MCM2: variants seen among roughly 807,000 people sequenced by gnomAD.
The protein encoded by MCM2 is DNA replication licensing factor MCM2.
MCM2 carries 49 observed loss-of-function variants against 86.4 expected under a neutral mutation model. The ratio of observed to expected loss-of-function variants is 0.57; its 90% confidence interval spans 0.45 to 0.72. The LOEUF (loss-of-function observed/expected upper bound fraction) is 0.72, where lower values mean the gene tolerates loss of function less well. MCM2 is among the 30% of genes least tolerant of loss of function. MCM2 has a pLI of 0.00. For missense variants in MCM2, 1,038 were observed against 1,259.9 expected (o/e 0.82, Z 2.67); for synonymous variants, 475 against 484.6 (o/e 0.98, Z 0.26).
At chr3:127,601,788 T>C (rs2074308126) in intron 2 of MCM2, among the ~76,000 whole-genome samples, 2 of 152,238 alleles carry the variant, frequency 1.3e-5, no homozygotes, top group African/African-American at 4.8e-5. Flanking sequence ...CTGCACTATC[T>C]TGCATTCCCA....
At chr3:127,601,611 G>A (rs13077128) in intron 2 of MCM2, among the ~76,000 whole-genome samples, 1 of 152,052 alleles carries the variant, frequency 6.6e-6, no homozygotes, top group Non-Finnish European at 1.5e-5. Flanking sequence ...GGTGATCCAC[G>A]TGCTTCAGCC....
At position 127,618,711 on chromosome 3, in the gene MCM2, C is replaced by T. The variant is rs1179579131; in HGVS notation, c.2014-316C>T. On this transcript the variant is annotated intron_variant, in intron 12 of 15. Coordinates refer to ENST00000265056, the MANE Select transcript of MCM2 (RefSeq NM_004526.4). This position sits in a 1 kb window ranked among gnomAD's most constrained non-coding sequence, Gnocchi z 4.0. ...CCTGTCTTTCAGGGAGGGGCTTTGC[C>T]GGGCACCCTTAGCTAGAGGCATCTC... 6.6e-6 allele frequency among the ~76,000 whole-genome samples: 1 copy of T among 152,182 alleles called. No individual in the cohort carries two copies. The highest frequency in any genetic ancestry group is 1.5e-5 in the Non-Finnish European group (1 of 68,034).
At position 127,601,359 on chromosome 3, in the gene MCM2, TTTTG is replaced by T. The variant is rs199761466; in HGVS notation, c.236+1832_236+1835del. Among the ~76,000 whole-genome samples, 155 of 152,228 alleles carry T rather than the reference TTTTG, an allele frequency of 1.0e-3. 1 individual carries two copies. The highest frequency in any genetic ancestry group is 4.1e-3 in the Admixed American group (62 of 15,284). ...TGAACATTCATTACAGGTCGTGTTT[TTTTG>T]TTTGTTTGTTTGTTTGTTTTTGAGT... On this transcript the variant is annotated intron_variant, in intron 2 of 15. Transcript: ENST00000265056.
Position 127,604,041 on chromosome 3 carries a change from C to A in MCM2, c.237-567C>A, listed in dbSNP as rs181733019. Among the ~76,000 whole-genome samples the A allele has an allele frequency of 1.7e-3, 265 of 152,276 alleles. 1 individual carries two copies. The highest frequency in any genetic ancestry group is 6.1e-3 in the African/African-American group (252 of 41,572). ...TGGGCTCAAGTGATCCTCCTGCCTT[C>A]ACCTCCCAAAGTGCTGGAATTATAG... On this transcript the variant is annotated intron_variant, in intron 2 of 15. Transcript: ENST00000265056.
At chr3:127,599,911 GATAA>G (rs1487248301) in intron 2 of MCM2, among the ~76,000 whole-genome samples, 2 of 152,222 alleles carry the variant, frequency 1.3e-5, no homozygotes, top group African/African-American at 4.8e-5. Context: ...GGAGGGATCT[GATAA>G]ATAAAGTTTT....
intron 8 of MCM2, among the ~76,000 whole-genome samples, chr3:127,615,106 C>T (rs2074423760): frequency 6.6e-6 from 1 of 152,166 alleles, no homozygotes; most frequent in African/African-American, 2.4e-5. Context: ...AGTCCCCTCT[C>T]CCCAGGCGAG....
At position 127,608,996 on chromosome 3, in the gene MCM2, CTCCAAGGA is replaced by C. The variant is rs1003941996; in HGVS notation, c.1404_1411del (p.Lys469AlafsTer18). On this transcript the variant is annotated frameshift_variant, in exon 8 of 16. Coordinates refer to ENST00000265056, the MANE Select transcript of MCM2 (RefSeq NM_004526.4). LOFTEE classifies it high-confidence loss of function. ...AAGATGTGAAGATGATCACTAGCCT[CTCCAAGGA>C]TCAGCAGATCGGAGAGAAGGTAGGT... 2 of 1,614,042 alleles carry C rather than the reference CTCCAAGGA, an allele frequency of 1.2e-6. No homozygotes were observed. The highest frequency in any genetic ancestry group is 1.3e-5 in the African/African-American group (1 of 74,924).
intron 8 of MCM2, among the ~76,000 whole-genome samples, chr3:127,610,143 C>T (rs1045686340): frequency 4.6e-5 from 7 of 152,126 alleles, no homozygotes; most frequent in Non-Finnish European, 7.4e-5. Flanking sequence ...CACGCCCGGC[C>T]TTCAAGTCAA....
At chr3:127,620,636 G>C (rs1277601933) in intron 13 of MCM2, 62 bp from the exon 14 acceptor site, 5 of 1,513,110 alleles carry the variant, frequency 3.3e-6, no homozygotes, top group Non-Finnish European at 4.5e-6. Flanking sequence ...GAGTGCCGCT[G>C]CTTTATTTTC....
Position 127,621,247 on chromosome 3 carries a change from G to C in MCM2, c.2604+19G>C. 1 of 1,613,148 alleles carries C rather than the reference G, an allele frequency of 6.2e-7. No individual in the cohort carries two copies. Among genetic ancestry groups the C allele is most frequent in the South Asian group, 1.1e-5 (1 of 91,030 alleles). The stretch of plus-strand genomic sequence containing the variant: ...GGATAAGGTATGGGCCCGGAAGGGA[G>C]GTGAGGGTTGGGGTATGCTGACTTG... On this transcript the variant is annotated intron_variant, in intron 15 of 15. Transcript: ENST00000265056.
intron 2 of MCM2, among the ~76,000 whole-genome samples, chr3:127,601,686 C>A (rs2099589): frequency 0.81 from 123,212 of 152,226 alleles, 50,532 homozygotes; most frequent in African/African-American, 0.95. Flanking sequence ...TTTTATGTGA[C>A]CAGATCTTTA....
intron 1 of MCM2, 134 bp from the exon 2 acceptor site, chr3:127,599,184 G>A (rs566377688): frequency 4.0e-6 from 3 of 741,010 alleles, no homozygotes. Context: ...CTGGAGGCTG[G>A]AAGGGGTTTG....
At position 127,599,344 on chromosome 3, in the gene MCM2, A is replaced by G; in HGVS notation, c.33A>G (p.Ala11=). 1 of 1,614,164 alleles carries G rather than the reference A, an allele frequency of 6.2e-7. No homozygotes were observed. The highest frequency in any genetic ancestry group is 1.1e-5 in the South Asian group (1 of 91,090). MAESSESFTM[A]SSPAQRRRGN... is the part of the protein sequence containing the mutation. ...AATCATCGGAATCCTTCACCATGGCATCCAGCCCGGCCCAGCGTCGGCGAG... is the reference window on the plus strand; with the variant it reads ...AATCATCGGAATCCTTCACCATGGCGTCCAGCCCGGCCCAGCGTCGGCGAG... The change falls in exon 2 of 16, where the codon GCA becomes GCG. Residue 11 remains alanine (A), a synonymous_variant. Coordinates refer to ENST00000265056, the MANE Select transcript of MCM2 (RefSeq NM_004526.4).
chr3:127,609,251 G>A (rs2074375099), intron 8 of MCM2, among the ~76,000 whole-genome samples: 1 of 152,212 alleles, frequency 6.6e-6, no homozygotes, highest in Non-Finnish European at 1.5e-5. Context: ...GAGGTAGTGG[G>A]ATAACTTGGA....
Position 127,621,921 on chromosome 3 carries a change from A to C in MCM2, c.*148A>C, listed in dbSNP as rs116343860. ...AGCAGGATGTCTGGCTGCACCTGGC[A>C]TGACTGTTTGTTTCTCCAAGCCTGC... On this transcript the variant is annotated 3_prime_UTR_variant, in exon 16 of 16. Transcript: ENST00000265056. The C allele has an allele frequency of 5.8e-4, 345 of 592,710 alleles. No individual in the cohort carries two copies. Among genetic ancestry groups the C allele is most frequent in the African/African-American group, 5.8e-3 (309 of 53,350 alleles). The allele number at this position is 592,710 out of a possible 1,614,324, so 36.7% of individuals were successfully genotyped here. A position where few individuals can be genotyped will look rare whatever the true frequency, so the allele number is the denominator to read the frequency against.
intron 2 of MCM2, 66 bp from the exon 3 acceptor site, chr3:127,604,542 G>A: frequency 6.5e-7 from 1 of 1,541,386 alleles, no homozygotes; most frequent in Non-Finnish European, 8.8e-7. Context: ...CCAGTTCCTG[G>A]ATGGGGTTTG....
rs908924344 is a variant in MCM2 at position 127,605,246 on chromosome 3, G to C, written c.673+90G>C. The stretch of plus-strand genomic sequence containing the variant: ...TGTCTGAGCCGAGTGAACACGTGAA[G>C]CACAGGGCATATGGCTGAGAGGTCT... On this transcript the variant is annotated intron_variant, in intron 4 of 15. Coordinates refer to ENST00000265056, the MANE Select transcript of MCM2 (RefSeq NM_004526.4). 6 of 1,518,840 alleles carry C rather than the reference G, an allele frequency of 4.0e-6. No homozygotes were observed. The African/African-American group carries it at 8.2e-5, about 21-fold the overall frequency. The allele number at this position is 1,518,840 out of a possible 1,614,324, so 94.1% of individuals were successfully genotyped here.
chr3:127,599,951 T>C (rs1253091168), intron 2 of MCM2, among the ~76,000 whole-genome samples: 2 of 152,256 alleles, frequency 1.3e-5, no homozygotes, highest in Non-Finnish European at 2.9e-5. Flanking sequence ...ACATTTATTG[T>C]ACCTAATGTG....
intron 8 of MCM2, among the ~76,000 whole-genome samples, chr3:127,614,153 C>T (rs535053820): frequency 6.6e-6 from 1 of 152,334 alleles, no homozygotes; most frequent in East Asian, 1.9e-4. Context: ...CACAGCCAAT[C>T]GAGTGTTCTT....
Sources: gnomAD v4.1 joint callset for allele counts (sites outside exome capture counted in the v4.1 genomes callset) on GRCh38, gnomAD v4.1.1 for gene constraint, Gnocchi (gnomAD v3.1) non-coding constraint, MANE v1.5 for transcripts, NCBI Gene and HGNC (gene_info 2026-07-23, HGNC 2026-07-21) for gene names.